Variants in WWOX observed in about 807,000 individuals in gnomAD.
WWOX encodes WW domain-containing oxidoreductase.
Under a neutral mutation model 46.2 loss-of-function variants are expected in WWOX, and 69 were observed. The ratio of observed to expected loss-of-function variants is 1.49; its 90% confidence interval spans 1.23 to 1.82. WWOX has a LOEUF of 1.82. Among genes scored for constraint, WWOX ranks in the 40% most tolerant of loss-of-function variants. WWOX has a pLI of 0.00. For missense variants in WWOX, 919 were observed against 542.6 expected, an observed-to-expected ratio of 1.69 and a Z score of -6.89; for synonymous variants, 359 against 202.6, an observed-to-expected ratio of 1.77 and a Z score of -6.56.
At chr16:78,843,763 A>G (rs1182516114) in intron 8 of WWOX, among the ~76,000 whole-genome samples, 2 of 152,236 alleles carry the variant, frequency 1.3e-5, no homozygotes, top group African/African-American at 4.8e-5. Context: ...TCAAATATTT[A>G]GCCAGAGCCA....
intron 8 of WWOX, among the ~76,000 whole-genome samples, chr16:78,582,209 G>C (rs190468195): frequency 6.6e-6 from 1 of 152,300 alleles, no homozygotes; most frequent in Admixed American, 6.5e-5. Context: ...ATGTTCCTAA[G>C]TGGTCAATAC....
chr16:78,984,853 G>A (rs1217932641), intron 8 of WWOX, among the ~76,000 whole-genome samples: 2 of 152,210 alleles, frequency 1.3e-5, no homozygotes, highest in East Asian at 3.9e-4. Flanking sequence ...GAAAGACGAG[G>A]AAGAAGGGTG....
chr16:78,312,790 C>T (rs1046262373), intron 5 of WWOX, among the ~76,000 whole-genome samples: 3 of 152,224 alleles, frequency 2.0e-5, no homozygotes, highest in African/African-American at 7.2e-5. Context: ...TCATGCCATA[C>T]CTTAGGTCCA....
intron 5 of WWOX, among the ~76,000 whole-genome samples, chr16:78,379,041 C>CT: frequency 6.6e-6 from 1 of 152,240 alleles, no homozygotes; most frequent in East Asian, 1.9e-4. Flanking sequence ...GTCTTACTAG[C>CT]TTGGCCACTG....
At chr16:78,736,436 C>T (rs1567525760) in intron 8 of WWOX, among the ~76,000 whole-genome samples, 1 of 152,188 alleles carries the variant, frequency 6.6e-6, no homozygotes, top group Non-Finnish European at 1.5e-5. Context: ...CCAACAGCTT[C>T]TGCTTCTTCC....
rs138038697 is a variant in WWOX at position 79,136,583 on chromosome 16, G to C, written c.1057-75025G>C. 4.2e-3 allele frequency among the ~76,000 whole-genome samples: 633 copies of C among 152,272 alleles called. 7 individuals are homozygous for C. The highest frequency in any genetic ancestry group is 0.015 in the African/African-American group (606 of 41,556). ...GAAATTGTGATTGGGAGGAAAAAGT[G>C]AACAGGAACTTAAAGCCAGCAGAGG... On this transcript the variant is annotated intron_variant, in intron 8 of 8. Transcript: ENST00000566780.
At chr16:79,082,426 C>T (rs748413489) in intron 8 of WWOX, among the ~76,000 whole-genome samples, 104 of 152,224 alleles carry the variant, frequency 6.8e-4, no homozygotes, top group Non-Finnish European at 1.4e-3. Flanking sequence ...ATGAGGTCAC[C>T]TTCCCATGGC....
chr16:78,490,780 C>G lies in WWOX; in HGVS notation c.1056+58028C>G, dbSNP rs184532954. ...ACCTTACCAAGCACCCCTTACCCAG[C>G]AAACGTGGCTTCTCTTCCCCAGGCA... On this transcript the variant is annotated intron_variant, in intron 8 of 8. Coordinates refer to ENST00000566780, the MANE Select transcript of WWOX (RefSeq NM_016373.4). Among the ~76,000 whole-genome samples, 1,256 of 152,328 alleles carry G rather than the reference C, an allele frequency of 8.2e-3. 16 individuals carry two copies. Among genetic ancestry groups the G allele is most frequent in the Non-Finnish European group, 9.2e-3 (623 of 68,024 alleles).
chr16:79,058,113 AAAAAAAACAAAC>A (rs2048296423), intron 8 of WWOX, among the ~76,000 whole-genome samples: 1 of 82,630 alleles, frequency 1.2e-5, no homozygotes, highest in African/African-American at 8.0e-5. Flanking sequence ...ACTTAAAAAA[AAAAAAAACAAAC>A]AAACAAAAAA....
Position 79,143,398 on chromosome 16 carries a change from C to T in WWOX, c.1057-68210C>T, listed in dbSNP as rs545649568. Among the ~76,000 whole-genome samples the T allele has an allele frequency of 3.3e-5, 5 of 152,282 alleles. No individual in the cohort carries two copies. The East Asian group carries it at 7.7e-4, about 23-fold the overall frequency. On this transcript the variant is annotated intron_variant, in intron 8 of 8. Transcript: ENST00000566780. The stretch of plus-strand genomic sequence containing the variant: ...ATTTTAACTGTGCCTGAAGATCAAT[C>T]ATTGTAACAGCTGCAGGGAAGGCTT...
intron 5 of WWOX, among the ~76,000 whole-genome samples, chr16:78,232,471 C>T (rs1314852370): frequency 6.6e-6 from 1 of 152,178 alleles, no homozygotes; most frequent in African/African-American, 2.4e-5. Context: ...CAGGGGCTCA[C>T]AACCAGGGAC....
chr16:79,166,876 A>G (rs1208325686), intron 8 of WWOX, among the ~76,000 whole-genome samples: 1 of 152,206 alleles, frequency 6.6e-6, no homozygotes, highest in Non-Finnish European at 1.5e-5. Flanking sequence ...GAACTTGCTT[A>G]TTTGTTCAGA....
intron 8 of WWOX, among the ~76,000 whole-genome samples, chr16:78,653,018 A>C (rs982234533): frequency 9.2e-5 from 14 of 152,230 alleles, no homozygotes; most frequent in African/African-American, 4.8e-5. Context: ...TGGACAGAGG[A>C]AAATGAAAAT....
chr16:78,890,569 G>T (rs2044568171), intron 8 of WWOX: 1 of 152,184 alleles, frequency 6.6e-6, no homozygotes, highest in Non-Finnish European at 1.5e-5. Context: ...AACCTTTGTA[G>T]TTGCTCTCTT....
chr16:78,189,765 C>T (rs2035823717), intron 5 of WWOX, among the ~76,000 whole-genome samples: 1 of 152,150 alleles, frequency 6.6e-6, no homozygotes, highest in Non-Finnish European at 1.5e-5. Flanking sequence ...AGCGATTCTC[C>T]TGGCTCAACC....
chr16:78,469,419 CA>C lies in WWOX; in HGVS notation c.1056+36670del, dbSNP rs148224344. 5.3e-3 allele frequency among the ~76,000 whole-genome samples: 800 copies of C among 152,234 alleles called. 7 individuals are homozygous for C. Among genetic ancestry groups the C allele is most frequent in the African/African-American group, 0.018 (756 of 41,544 alleles). ...GGAGCACTTGGAGAAGGGCTGAAGG[CA>C]AACCAAAAGTGAGCAACAAGGAGAC... On this transcript the variant is annotated intron_variant, in intron 8 of 8. Transcript: ENST00000566780.
At chr16:78,804,477 C>A (rs997988104) in intron 8 of WWOX, among the ~76,000 whole-genome samples, 2 of 152,046 alleles carry the variant, frequency 1.3e-5, no homozygotes, top group African/African-American at 4.8e-5. Context: ...AATATTAACT[C>A]CATTAGTCAT....
At chr16:78,288,317 A>G (rs1334430493) in intron 5 of WWOX, among the ~76,000 whole-genome samples, 1 of 145,236 alleles carries the variant, frequency 6.9e-6, no homozygotes, top group Non-Finnish European at 1.5e-5. Flanking sequence ...GAAATTCATT[A>G]CCAAGTGATA....
intron 8 of WWOX, among the ~76,000 whole-genome samples, chr16:79,076,878 G>A (rs1339417420): frequency 6.6e-6 from 1 of 152,176 alleles, no homozygotes; most frequent in African/African-American, 2.4e-5. Context: ...TTGTCTTAGT[G>A]TTTATTGTTT....
Sources: allele counts gnomAD v4.1 joint callset (sites outside exome capture counted in the v4.1 genomes callset), GRCh38; gene constraint gnomAD v4.1.1; transcripts MANE v1.5; gene names NCBI Gene and HGNC (gene_info 2026-07-23, HGNC 2026-07-21).